The following HERC3 variants were observed in gnomAD, a reference collection of about 807,000 sequenced individuals.
HERC3 encodes probable E3 ubiquitin-protein ligase HERC3.
Under a neutral mutation model 129.9 loss-of-function variants are expected in HERC3, and 58 were observed. The ratio of observed to expected loss-of-function variants is 0.45; its 90% confidence interval spans 0.36 to 0.56. The LOEUF (loss-of-function observed/expected upper bound fraction) is 0.56. Ranked by LOEUF, HERC3 falls within the 20% of genes least tolerant of loss-of-function variation. The probability of loss-of-function intolerance (pLI) is 0.00; values close to 1 mark genes in which losing one functional copy is unlikely to be tolerated. For missense variants in HERC3, 835 were observed against 1,244.2 expected (o/e 0.67, Z 4.95); for synonymous variants, 430 against 451.0 (o/e 0.95, Z 0.59).
At chr4:88,545,430 C>CTTTTTTTTTTTTTTTTTTTTTTTTTTT in the HERC3 span, among the ~76,000 whole-genome samples, 1 of 110,434 alleles carries the variant, frequency 9.1e-6, no homozygotes, top group African/African-American at 3.7e-5. Flanking sequence ...TTTGAGAATT[C>CTTTTTTTTTTTTTTTTTTTTTTTTTTT]TTTTTTTTTT....
chr4:88,607,372 C>T (rs1723776515), intron 3 of HERC3, among the ~76,000 whole-genome samples: 1 of 152,144 alleles, frequency 6.6e-6, no homozygotes, highest in Non-Finnish European at 1.5e-5. Context: ...GGTAGGGGGA[C>T]TAATTCGTTT....
rs1734496069 is a variant in HERC3, at chr4:88,695,366, T to G, written c.2657+8067T>G. Among the ~76,000 whole-genome samples the G allele has an allele frequency of 7.9e-5, 12 of 152,318 alleles. No individual in the cohort carries two copies. In the South Asian group the frequency reaches 2.5e-3, roughly 32 times the overall value. On this transcript the variant is annotated intron_variant, in intron 23 of 25. Coordinates refer to ENST00000402738, the MANE Select transcript of HERC3 (RefSeq NM_014606.3). ...GGAAAAGGAAGCAAATGGCATCTGA[T>G]TTTTTAATTTTTCTGGAGTCCAGTT...
rs1472325257 is a variant in HERC3 at position 88,707,267 on chromosome 4, A to G, written c.*307A>G. 6.5e-6 allele frequency: 2 copies of G among 305,730 alleles called. No individual in the cohort carries two copies. Among genetic ancestry groups the G allele is most frequent in the East Asian group, 7.7e-5 (1 of 12,936 alleles). 18.9% of individuals were successfully genotyped at this position (305,730 alleles called of 1,614,324 possible). A position where few individuals can be genotyped will look rare whatever the true frequency, so the allele number is the denominator to read the frequency against. On this transcript the variant is annotated 3_prime_UTR_variant, in exon 26 of 26. Transcript: ENST00000402738. ...GTTGCACTCTGCTGGATGAAATGGC[A>G]GTGGATTTTTAAACTTTAATTTCCC...
At chr4:88,655,439 A>G (rs1206179796) in intron 8 of HERC3, 135 bp downstream of exon 8, 2 of 1,004,564 alleles carry the variant, frequency 2.0e-6, no homozygotes, top group Non-Finnish European at 2.9e-6. Context: ...CCTATGGTGA[A>G]ATGTGGAGAA....
At chr4:88,696,317 C>T (rs142831234) in intron 23 of HERC3, 6 of 152,710 alleles carry the variant, frequency 3.9e-5, no homozygotes, top group Admixed American at 1.3e-4. Flanking sequence ...GACAGAAAGA[C>T]GTCACAAGGC....
At chr4:88,634,645 G>GCTTT in intron 3 of HERC3, among the ~76,000 whole-genome samples, 1 of 150,774 alleles carries the variant, frequency 6.6e-6, no homozygotes, top group East Asian at 2.0e-4. Flanking sequence ...TAGCCAAAGT[G>GCTTT]CTTTGTTAAA....
At chr4:88,627,331 A>G (rs1578195501) in intron 3 of HERC3, among the ~76,000 whole-genome samples, 1 of 152,190 alleles carries the variant, frequency 6.6e-6, no homozygotes, top group South Asian at 2.1e-4. Flanking sequence ...GGAAAAAAAA[A>G]TTACAACAAT....
At chr4:88,638,199 C>G (rs1308782373) in intron 3 of HERC3, among the ~76,000 whole-genome samples, 1 of 152,180 alleles carries the variant, frequency 6.6e-6, no homozygotes, top group East Asian at 1.9e-4. Flanking sequence ...AGAAACTATT[C>G]TAAACAATTG....
In HERC3 at chr4:88,697,656, C is replaced by A. The variant is rs546717344; in HGVS notation, c.2658-6442C>A. The A allele has an allele frequency of 1.2e-6, 2 of 1,613,420 alleles. No individual in the cohort carries two copies. The highest frequency in any genetic ancestry group is 2.2e-5 in the East Asian group (1 of 44,854). On this transcript the variant is annotated intron_variant, in intron 23 of 25. Transcript: ENST00000402738. ...CAGCCGCGCTGTCACAGTCTCCACCCTGCGCACCGCCTTCCGCCATTACCT... is the reference window on the plus strand; with the variant it reads ...CAGCCGCGCTGTCACAGTCTCCACCATGCGCACCGCCTTCCGCCATTACCT...
chr4:88,544,902 G>A, the HERC3 span, among the ~76,000 whole-genome samples: 2 of 152,172 alleles, frequency 1.3e-5, no homozygotes, highest in African/African-American at 2.4e-5. Flanking sequence ...GGCCTGTTGT[G>A]GGGTGGGATG....
chr4:88,692,952 G>T, intron 23 of HERC3: 1 of 985,042 alleles, frequency 1.0e-6, no homozygotes, highest in Non-Finnish European at 1.2e-6. Context: ...GGCTGACTAG[G>T]TAATGTTTTC....
In HERC3 at chr4:88,667,432, A is replaced by C. The variant is rs376802429; in HGVS notation, c.1387A>C (p.Thr463Pro). 5 of 1,610,944 alleles carry C rather than the reference A, an allele frequency of 3.1e-6. No homozygotes were observed. Among genetic ancestry groups the C allele is most frequent in the Non-Finnish European group, 4.2e-6 (5 of 1,178,304 alleles). The change falls in exon 13 of 26, where the codon ACT becomes CCT. Residue 463 changes from threonine (T) to proline (P), a missense_variant. Transcript: ENST00000402738. ...AATCCCTGGGATTGACCTGAACTCA[A>C]CTAGGGTGTTATTTGAGAAGTTAAT... Reference protein sequence around the residue: ...PKIPGIDLNSTRVLFEKLMNS... With the variant: ...PKIPGIDLNSPRVLFEKLMNS...
At chr4:88,637,079 A>G (rs1405817336) in intron 3 of HERC3, among the ~76,000 whole-genome samples, 5 of 151,914 alleles carry the variant, frequency 3.3e-5, no homozygotes, top group South Asian at 2.1e-4. Flanking sequence ...CAATGGGCTG[A>G]GATTGCACTA....
At chr4:88,650,199 C>A (rs905502878) in intron 4 of HERC3, among the ~76,000 whole-genome samples, 200 bp downstream of exon 4, 2 of 152,144 alleles carry the variant, frequency 1.3e-5, no homozygotes, top group Non-Finnish European at 2.9e-5. Flanking sequence ...AAATGTGAGT[C>A]GGTTGGGAAC....
intron 3 of HERC3, among the ~76,000 whole-genome samples, chr4:88,617,375 A>C (rs1054383979): frequency 3.9e-5 from 6 of 151,984 alleles, no homozygotes; most frequent in Non-Finnish European, 8.8e-5. Context: ...ACAACAACAA[A>C]AACAAACAAA....
chr4:88,579,798 T>C, the HERC3 span, among the ~76,000 whole-genome samples: 1 of 152,174 alleles, frequency 6.6e-6, no homozygotes, highest in South Asian at 2.1e-4. Flanking sequence ...TGGATGAACA[T>C]GGTTAACCCA....
At chr4:88,589,943 T>C (rs574128857), upstream of HERC3, among the ~76,000 whole-genome samples, 1 of 152,312 alleles carries the variant, frequency 6.6e-6, no homozygotes, top group Non-Finnish European at 1.5e-5. Flanking sequence ...TTGATAACCA[T>C]CCTTTTCCTC....
intron 14 of HERC3, 82 bp from the exon 15 acceptor site, chr4:88,669,778 G>A: frequency 8.2e-7 from 1 of 1,215,316 alleles, no homozygotes; most frequent in Non-Finnish European, 1.2e-6. Context: ...TCTAGACAAA[G>A]CAATTTTTAA....
chr4:88,689,412 A>G (rs1376669034), intron 23 of HERC3, among the ~76,000 whole-genome samples: 1 of 151,386 alleles, frequency 6.6e-6, no homozygotes, highest in African/African-American at 2.4e-5. Context: ...CCAGCTACTC[A>G]GGAGGCTAAG....
Sources: allele counts gnomAD v4.1 joint callset (sites outside exome capture counted in the v4.1 genomes callset), GRCh38; gene constraint gnomAD v4.1.1; transcripts MANE v1.5; gene names NCBI Gene and HGNC (gene_info 2026-07-23, HGNC 2026-07-21).